Variants in TULP4 observed in about 807,000 individuals in gnomAD.
The protein encoded by TULP4 is tubby-related protein 4.
In TULP4, 16 loss-of-function variants were observed where a neutral mutation model predicts 129.0. The ratio of observed to expected loss-of-function variants is 0.12; its 90% confidence interval spans 0.08 to 0.19. The LOEUF (loss-of-function observed/expected upper bound fraction) is 0.19, where lower values mean the gene tolerates loss of function less well. Among genes scored for constraint, TULP4 ranks in the 10% least tolerant of loss-of-function variants. TULP4 has a pLI of 1.00. For missense variants in TULP4, 1,842 were observed against 2,059.1 expected, an observed-to-expected ratio of 0.89 and a Z score of 2.04; for synonymous variants, 998 against 854.0, an observed-to-expected ratio of 1.17 and a Z score of -2.94.
chr6:158,460,414 T>C (rs1779397500), intron 5 of TULP4, among the ~76,000 whole-genome samples: 1 of 151,888 alleles, frequency 6.6e-6, no homozygotes, highest in Non-Finnish European at 1.5e-5. Flanking sequence ...ATTTCAGAGA[T>C]CTCTGTATAA....
At chr6:158,349,656 G>A (rs62437389) in intron 1 of TULP4, among the ~76,000 whole-genome samples, 20,916 of 120,530 alleles carry the variant, frequency 0.17, 2,670 homozygotes, top group Middle Eastern at 0.25. Context: ...AGGCAGAGGC[G>A]CTCCTCACAT....
chr6:158,384,645 A>T (rs1476834776), intron 1 of TULP4, among the ~76,000 whole-genome samples: 1 of 152,166 alleles, frequency 6.6e-6, no homozygotes, highest in Non-Finnish European at 1.5e-5. Context: ...TCCTGAGGCC[A>T]AGTATTTGAA....
At chr6:158,440,669 T>C (rs1380788929) in intron 3 of TULP4, among the ~76,000 whole-genome samples, 3 of 152,194 alleles carry the variant, frequency 2.0e-5, no homozygotes, top group Non-Finnish European at 4.4e-5. Flanking sequence ...GGAATCACAG[T>C]TAGGAGAATG....
chr6:158,249,815 T>C (rs886786737), intron 1 of TULP4, among the ~76,000 whole-genome samples: 2 of 152,238 alleles, frequency 1.3e-5, no homozygotes, highest in Non-Finnish European at 2.9e-5. Flanking sequence ...ATATGGAATA[T>C]GTTTATTTAA....
At chr6:158,275,538 T>G (rs1232013787) in intron 1 of TULP4, among the ~76,000 whole-genome samples, 1 of 152,202 alleles carries the variant, frequency 6.6e-6, no homozygotes, top group Non-Finnish European at 1.5e-5. Context: ...GTTACTACTT[T>G]CTTTAGCTCT....
intron 13 of TULP4, among the ~76,000 whole-genome samples, chr6:158,504,513 ATTT>A (rs769598967): frequency 7.2e-6 from 1 of 138,926 alleles, no homozygotes; most frequent in Admixed American, 7.1e-5. Flanking sequence ...TGCCCGGCTA[ATTT>A]TTTTTTTTTT....
intron 1 of TULP4, among the ~76,000 whole-genome samples, chr6:158,275,188 G>A (rs6939375): frequency 0.33 from 49,523 of 152,010 alleles, 9,177 homozygotes; most frequent in Admixed American, 0.45. Context: ...TGGAGCCCAC[G>A]CGCTACAAGT....
At chr6:158,401,334 A>G (rs1777843483) in intron 1 of TULP4, among the ~76,000 whole-genome samples, 1 of 152,146 alleles carries the variant, frequency 6.6e-6, no homozygotes, top group Non-Finnish European at 1.5e-5. Flanking sequence ...TCGGCCTCCC[A>G]AAGTGGTAGA....
chr6:158,485,039 C>A (rs1353202304), intron 8 of TULP4, among the ~76,000 whole-genome samples: 4 of 152,090 alleles, frequency 2.6e-5, no homozygotes, highest in African/African-American at 9.7e-5. Flanking sequence ...ATGTTAAGGG[C>A]AATTCTGGTG....
chr6:158,421,002 G>T (rs986461493), intron 2 of TULP4, among the ~76,000 whole-genome samples: 1 of 152,136 alleles, frequency 6.6e-6, no homozygotes, highest in Non-Finnish European at 1.5e-5. Flanking sequence ...GCCCAAAGTG[G>T]TCGGGCCGCA....
At chr6:158,323,539 C>CCACATCT (rs1562520093) in intron 1 of TULP4, among the ~76,000 whole-genome samples, 8 of 110,468 alleles carry the variant, frequency 7.2e-5, no homozygotes, top group Non-Finnish European at 1.2e-4. Flanking sequence ...TAGGTGACCA[C>CCACATCT]ATCTACCTTG....
chr6:158,245,159 A>ATT (rs76155193), intron 1 of TULP4, among the ~76,000 whole-genome samples: 56 of 136,360 alleles, frequency 4.1e-4, no homozygotes, highest in Non-Finnish European at 4.3e-4. Flanking sequence ...GGTCAATTAA[A>ATT]TTTTTTTTTT....
At chr6:158,287,079 TGTA>T (rs1206613534) in intron 1 of TULP4, among the ~76,000 whole-genome samples, 1 of 152,194 alleles carries the variant, frequency 6.6e-6, no homozygotes, top group African/African-American at 2.4e-5. Context: ...AGGTTCATAT[TGTA>T]GTAGGGAAGA....
Position 158,341,741 on chromosome 6 carries a change from C to T in TULP4, c.252+27473C>T, listed in dbSNP as rs974939894. On this transcript the variant is annotated intron_variant, in intron 1 of 13. Transcript: ENST00000367097. The stretch of plus-strand genomic sequence containing the variant: ...AATAAATGTCTGTTCAGATCTTTTG[C>T]CAATATTTTAATTGTATTATTTATT... 4.0e-5 allele frequency among the ~76,000 whole-genome samples: 6 copies of T among 151,826 alleles called. No homozygotes were observed. In the East Asian group the frequency reaches 1.2e-3, roughly 29 times the overall value.
chr6:158,316,356 C>A (rs1029384774), intron 1 of TULP4, among the ~76,000 whole-genome samples: 1 of 152,124 alleles, frequency 6.6e-6, no homozygotes, highest in African/African-American at 2.4e-5. Context: ...AGTGGTTGTA[C>A]TATTTACACC....
intron 1 of TULP4, among the ~76,000 whole-genome samples, chr6:158,325,296 G>A (rs1362222555): frequency 6.6e-6 from 1 of 151,660 alleles, no homozygotes; most frequent in Non-Finnish European, 1.5e-5. Context: ...GTACACATGA[G>A]CCTAACTCTT....
chr6:158,355,334 C>T lies in TULP4; in HGVS notation c.252+41066C>T, dbSNP rs540095663. On this transcript the variant is annotated intron_variant, in intron 1 of 13. Transcript: ENST00000367097. The stretch of plus-strand genomic sequence containing the variant: ...CTCCTAGCCTTAAGTGATCCTCCTG[C>T]CTTGGCCTCCCAAAGTGCTGGGATT... Among the ~76,000 whole-genome samples, 3 of 152,248 alleles carry T rather than the reference C, an allele frequency of 2.0e-5. No individual in the cohort carries two copies. In the South Asian group the frequency reaches 6.2e-4, roughly 32 times the overall value.
chr6:158,394,580 G>A (rs909170256), intron 1 of TULP4, among the ~76,000 whole-genome samples: 1 of 151,622 alleles, frequency 6.6e-6, no homozygotes, highest in East Asian at 1.9e-4. Context: ...TCAGGAGATC[G>A]AGACCATCCT....
chr6:158,337,150 T>TTTG (rs1780063490), intron 1 of TULP4, among the ~76,000 whole-genome samples: 2 of 142,360 alleles, frequency 1.4e-5, no homozygotes, highest in African/African-American at 5.2e-5. Context: ...TTTTTTTTTT[T>TTTG]GAGACAGAGT....
Sources: allele counts gnomAD v4.1 joint callset (sites outside exome capture counted in the v4.1 genomes callset), GRCh38; gene constraint gnomAD v4.1.1; transcripts MANE v1.5; gene names NCBI Gene and HGNC (gene_info 2026-07-23, HGNC 2026-07-21).